SAMMSON: variants seen among roughly 807,000 people sequenced by gnomAD.
The protein encoded by SAMMSON is survival associated mitochondrial melanoma specific oncogenic non-coding RNA.
chr3:70,015,672 G>A (rs1217471650), intron 3 of SAMMSON, among the ~76,000 whole-genome samples: 11 of 143,236 alleles, frequency 7.7e-5, no homozygotes, highest in East Asian at 3.9e-4. Flanking sequence ...CCATTAACTC[G>A]TCATTTACTT....
chr3:70,012,108 G>A (rs1178928737), intron 1 of SAMMSON, among the ~76,000 whole-genome samples: 1 of 152,086 alleles, frequency 6.6e-6, no homozygotes, highest in African/African-American at 2.4e-5. Context: ...AGAGCTGGAG[G>A]AAAGAGATGT....
rs1166473224 is a variant in SAMMSON, at chr3:70,379,795, A to G, written n.914-9779A>G. Among the ~76,000 whole-genome samples the G allele has an allele frequency of 1.3e-4, 20 of 152,332 alleles. No individual in the cohort carries two copies. In the East Asian group the frequency reaches 3.1e-3, roughly 24 times the overall value. On this transcript the variant is annotated intron_variant and non_coding_transcript_variant, in intron 9 of 9. Transcript: ENST00000642114. ...AGAGAAAAAAAGCAAAGTGCAAAAA[A>G]AAGGAAAGCGTGTTATGCATGCTAC...
At chr3:70,387,028 A>C (rs904137833) in intron 9 of SAMMSON, among the ~76,000 whole-genome samples, 9 of 152,182 alleles carry the variant, frequency 5.9e-5, no homozygotes, top group African/African-American at 1.9e-4. Context: ...TGAGGTATTA[A>C]TTCTAAATTA....
chr3:70,328,396 C>G (rs1050394460), intron 7 of SAMMSON, among the ~76,000 whole-genome samples: 7 of 151,958 alleles, frequency 4.6e-5, no homozygotes, highest in Non-Finnish European at 8.8e-5. Context: ...TAGACAGGAA[C>G]CTAAAGACAG....
intron 6 of SAMMSON, among the ~76,000 whole-genome samples, chr3:70,251,035 G>T (rs571120785): frequency 2.6e-5 from 4 of 152,298 alleles, no homozygotes; most frequent in African/African-American, 9.6e-5. Context: ...TTTCCAGAGA[G>T]ACTTAGAGAA....
intron 4 of SAMMSON, among the ~76,000 whole-genome samples, chr3:70,227,476 G>C (rs899488250): frequency 1.3e-5 from 2 of 152,180 alleles, no homozygotes; most frequent in African/African-American, 4.8e-5. Context: ...GCAATATGGA[G>C]GTCATTGGAG....
At chr3:70,179,325 T>C (rs1287621173) in intron 4 of SAMMSON, among the ~76,000 whole-genome samples, 1 of 152,208 alleles carries the variant, frequency 6.6e-6, no homozygotes, top group Non-Finnish European at 1.5e-5. Context: ...TCTTGGAGCA[T>C]GGTGTTTAAT....
At chr3:70,215,229 A>T (rs1343105384) in intron 4 of SAMMSON, among the ~76,000 whole-genome samples, 1 of 152,122 alleles carries the variant, frequency 6.6e-6, no homozygotes. Flanking sequence ...AGAGGGTCAG[A>T]GATTTTAGTG....
intron 4 of SAMMSON, chr3:70,124,965 C>G: frequency 1.7e-6 from 1 of 590,354 alleles, no homozygotes; most frequent in Non-Finnish European, 3.0e-6. Flanking sequence ...ACTTTCAAAG[C>G]TGTTATGCAC....
chr3:70,023,022 C>A (rs1159679518), intron 3 of SAMMSON, among the ~76,000 whole-genome samples: 2 of 152,116 alleles, frequency 1.3e-5, no homozygotes, highest in African/African-American at 2.4e-5. Flanking sequence ...ATACAGTATT[C>A]CACTGGACAC....
At chr3:70,368,048 C>T (rs1702935225) in intron 9 of SAMMSON, among the ~76,000 whole-genome samples, 1 of 150,570 alleles carries the variant, frequency 6.6e-6, no homozygotes, top group South Asian at 2.1e-4. Flanking sequence ...AATATTTCTT[C>T]CAGTGTAGAA....
intron 2 of SAMMSON, among the ~76,000 whole-genome samples, chr3:70,418,669 A>G (rs1199705333): frequency 6.6e-6 from 1 of 152,086 alleles, no homozygotes. Context: ...TCTTCCAGCC[A>G]CCTGCCCACT....
At chr3:70,103,615 T>C (rs2067354441) in intron 4 of SAMMSON, among the ~76,000 whole-genome samples, 1 of 152,206 alleles carries the variant, frequency 6.6e-6, no homozygotes, top group Non-Finnish European at 1.5e-5. Context: ...ACTTGAATTC[T>C]CCTGGGAGCA....
chr3:70,037,739 C>T (rs553254534), intron 3 of SAMMSON, among the ~76,000 whole-genome samples: 3 of 152,324 alleles, frequency 2.0e-5, no homozygotes, highest in East Asian at 3.9e-4. Context: ...GATTACAGCA[C>T]TCTTTCCAGT....
At chr3:70,013,462 C>T (rs896361906) in intron 2 of SAMMSON, 1 of 152,082 alleles carries the variant, frequency 6.6e-6, no homozygotes, top group Non-Finnish European at 1.5e-5. Context: ...ATGAGCCTCC[C>T]TAGGATGTAA....
intron 9 of SAMMSON, among the ~76,000 whole-genome samples, chr3:70,360,823 G>C (rs886326309): frequency 2.0e-5 from 3 of 152,070 alleles, no homozygotes; most frequent in Admixed American, 6.6e-5. Context: ...TTATATTTCA[G>C]AGTGAGAATA....
Position 70,324,618 on chromosome 3 carries a change from A to G in SAMMSON, n.740-29557A>G, listed in dbSNP as rs140003361. Among the ~76,000 whole-genome samples the G allele has an allele frequency of 2.6e-3, 399 of 152,292 alleles. 3 individuals are homozygous for G. Among genetic ancestry groups the G allele is most frequent in the African/African-American group, 9.1e-3 (377 of 41,566 alleles). ...TAGGTGCTGTCGAAGTACAGAGTTA[A>G]TGTAACTTAAAATTCCCATTTAGTC... On this transcript the variant is annotated intron_variant and non_coding_transcript_variant, in intron 7 of 9. Coordinates refer to ENST00000642114, the Ensembl canonical transcript of SAMMSON.
chr3:70,347,466 A>C (rs2106732682), intron 7 of SAMMSON, among the ~76,000 whole-genome samples: 1 of 152,210 alleles, frequency 6.6e-6, no homozygotes, highest in Non-Finnish European at 1.5e-5. Context: ...ATATTAACAA[A>C]CACAGCAGAG....
intron 6 of SAMMSON, among the ~76,000 whole-genome samples, chr3:70,287,421 G>C (rs1482342313): frequency 6.6e-6 from 1 of 151,588 alleles, no homozygotes; most frequent in Non-Finnish European, 1.5e-5. Context: ...CTTGATCATG[G>C]TGGATAAACT....
Sources: allele counts gnomAD v4.1 joint callset (sites outside exome capture counted in the v4.1 genomes callset), GRCh38; gene constraint gnomAD v4.1.1; transcripts MANE v1.5; gene names NCBI Gene and HGNC (gene_info 2026-07-23, HGNC 2026-07-21).